ACACA: variants seen among roughly 807,000 people sequenced by gnomAD.
ACACA encodes the protein acetyl-CoA carboxylase 1.
Under a neutral mutation model 296.1 loss-of-function variants are expected in ACACA, and 103 were observed. That is an observed-to-expected ratio of 0.35 (90% CI 0.30 to 0.41). ACACA has a LOEUF of 0.41. ACACA is among the 10% of genes least tolerant of loss of function. ACACA has a pLI of 1.00. For missense variants in ACACA, 1,554 were observed against 2,989.7 expected (o/e 0.52, Z 11.20); for synonymous variants, 953 against 1,038.6 (o/e 0.92, Z 1.58).
At chr17:37,235,199 A>G in intron 24 of ACACA, 100 bp from the exon 25 acceptor site, 1 of 1,430,978 alleles carries the variant, frequency 7.0e-7, no homozygotes, top group Admixed American at 1.7e-5. Flanking sequence ...ACGAGCAGTG[A>G]GAAGAAACAT....
chr17:37,189,721 C>T (rs1239887049), intron 38 of ACACA, among the ~76,000 whole-genome samples: 2 of 152,258 alleles, frequency 1.3e-5, no homozygotes, highest in African/African-American at 2.4e-5. Context: ...TCCCAGAATG[C>T]TTAGGAGAAG....
intron 1 of ACACA, among the ~76,000 whole-genome samples, chr17:37,400,208 C>T (rs997039536): frequency 3.3e-5 from 5 of 152,136 alleles, no homozygotes; most frequent in African/African-American, 1.2e-4. Flanking sequence ...CAACCTCTGC[C>T]TCCCGGGTTC....
intron 10 of ACACA, among the ~76,000 whole-genome samples, chr17:37,266,421 CAA>C (rs57539782): frequency 1.8e-4 from 19 of 104,796 alleles, no homozygotes; most frequent in African/African-American, 2.6e-4. Context: ...CTCAAGAAAA[CAA>C]AAAAAAAAAA....
intron 35 of ACACA, among the ~76,000 whole-genome samples, chr17:37,199,774 T>C (rs191906441): frequency 1.3e-5 from 2 of 152,218 alleles, no homozygotes; most frequent in Non-Finnish European, 2.9e-5. Flanking sequence ...TAAATGCTTA[T>C]GTTCATTCTT....
At chr17:37,128,017 T>G (rs1370113742) in intron 47 of ACACA, among the ~76,000 whole-genome samples, 1 of 50,734 alleles carries the variant, frequency 2.0e-5, no homozygotes, top group Non-Finnish European at 3.4e-5. Flanking sequence ...AGAGTGAAAC[T>G]CCATCTCAAA....
Position 37,097,004 on chromosome 17 carries a change from T to C in ACACA, c.6883A>G (p.Thr2295Ala). The change falls in exon 54 of 56, where the codon ACA becomes GCA. Residue 2295 changes from threonine (T) to alanine (A), a missense_variant. Coordinates refer to ENST00000616317, the MANE Select transcript of ACACA (RefSeq NM_198834.3). The surrounding 1 kb of genome is among the most constrained non-coding windows in gnomAD (Gnocchi z 4.8). ...LRRWFVEVEG[T>A]VKAYVWDNNK... Reference sequence around the variant, plus strand: ...TTGAGTGTCCCACCTACCTTCACTGTTCCTTCCACTTCCACAAACCAGCGC... The same window carrying C: ...TTGAGTGTCCCACCTACCTTCACTGCTCCTTCCACTTCCACAAACCAGCGC... The C allele has an allele frequency of 6.2e-7, 1 of 1,614,146 alleles. No homozygotes were observed. Among genetic ancestry groups the C allele is most frequent in the East Asian group, 2.2e-5 (1 of 44,864 alleles).
At chr17:37,144,524 C>G (rs1359494243) in intron 45 of ACACA, 1 of 180,486 alleles carries the variant, frequency 5.5e-6, no homozygotes, top group Non-Finnish European at 1.2e-5. Context: ...CAGTGCAGGT[C>G]CCTGGTGTAA....
At chr17:37,312,840 A>C (rs1339746937) in intron 3 of ACACA, among the ~76,000 whole-genome samples, 1 of 152,178 alleles carries the variant, frequency 6.6e-6, no homozygotes, top group Admixed American at 6.5e-5. Flanking sequence ...CAGCCTGGAC[A>C]ACATAGCAAG....
At chr17:37,103,657 C>T (rs994445345) in intron 52 of ACACA, among the ~76,000 whole-genome samples, 7 of 152,028 alleles carry the variant, frequency 4.6e-5, no homozygotes, top group African/African-American at 1.7e-4. Flanking sequence ...GGGAGGACTG[C>T]CTGAAGCCAG....
chr17:37,349,802 G>A (rs1036561074), intron 1 of ACACA, among the ~76,000 whole-genome samples: 14 of 151,074 alleles, frequency 9.3e-5, no homozygotes, highest in East Asian at 2.0e-4. Flanking sequence ...CAAGTGATCC[G>A]CCTGCCTCAG....
intron 14 of ACACA, among the ~76,000 whole-genome samples, chr17:37,253,572 A>G (rs2081092991): frequency 6.6e-6 from 1 of 152,184 alleles, no homozygotes; most frequent in African/African-American, 2.4e-5. Flanking sequence ...ATTCTAACTG[A>G]TATTACCATA....
At chr17:37,093,062 T>A (rs927824170) in intron 54 of ACACA, among the ~76,000 whole-genome samples, 1 of 152,178 alleles carries the variant, frequency 6.6e-6, no homozygotes, top group African/African-American at 2.4e-5. Context: ...AGCAACACTT[T>A]CCAGGTTCTA....
chr17:37,126,776 G>T (rs1280800867), intron 47 of ACACA, among the ~76,000 whole-genome samples: 2 of 152,164 alleles, frequency 1.3e-5, no homozygotes, highest in Non-Finnish European at 2.9e-5. Context: ...TTGCCTCTAT[G>T]GCCCCAGTGT....
chr17:37,390,334 A>ATCTAT (rs2050822111), intron 1 of ACACA, among the ~76,000 whole-genome samples: 1 of 93,422 alleles, frequency 1.1e-5, no homozygotes, highest in Non-Finnish European at 1.9e-5. Flanking sequence ...ATATATATAT[A>ATCTAT]AAAGGCCAGC....
At chr17:37,281,004 A>C (rs2082498121) in intron 5 of ACACA, among the ~76,000 whole-genome samples, 2 of 148,258 alleles carry the variant, frequency 1.3e-5, no homozygotes. Flanking sequence ...TGCTTCACTA[A>C]CTCTTACTCA....
At chr17:37,199,116 TGC>T (rs2078131760) in intron 35 of ACACA, among the ~76,000 whole-genome samples, 1 of 152,004 alleles carries the variant, frequency 6.6e-6, no homozygotes, top group Admixed American at 6.6e-5. Context: ...GGCACATGCC[TGC>T]AATCCCAGCT....
chr17:37,225,132 C>G (rs1490528980), intron 26 of ACACA, 27 bp from the exon 27 acceptor site: 3 of 1,347,182 alleles, frequency 2.2e-6, no homozygotes, highest in Non-Finnish European at 3.2e-6. Flanking sequence ...ATAGGAGGCA[C>G]ACATTCCTCG....
At chr17:37,389,425 G>T (rs1219683090) in intron 1 of ACACA, 2 of 1,535,104 alleles carry the variant, frequency 1.3e-6, no homozygotes, top group East Asian at 2.5e-5. Context: ...GGCCGGGCGT[G>T]GTGGCTCACA....
intron 8 of ACACA, among the ~76,000 whole-genome samples, chr17:37,275,616 A>G (rs1156978048): frequency 6.6e-6 from 1 of 152,154 alleles, no homozygotes; most frequent in African/African-American, 2.4e-5. Flanking sequence ...TGAAGACCCA[A>G]TTCCCCCTGG....
Sources: gnomAD v4.1 joint callset for allele counts (sites outside exome capture counted in the v4.1 genomes callset) on GRCh38, gnomAD v4.1.1 for gene constraint, Gnocchi (gnomAD v3.1) non-coding constraint, MANE v1.5 for transcripts, NCBI Gene and HGNC (gene_info 2026-07-23, HGNC 2026-07-21) for gene names.